Variants in FGF13 observed in about 807,000 individuals in gnomAD.
The protein encoded by FGF13 is fibroblast growth factor 13, also known as fibroblast growth factor homologous factor 2.
Under a neutral mutation model 19.5 loss-of-function variants are expected in FGF13, and 2 were observed. The ratio of observed to expected loss-of-function variants is 0.10; its 90% CI spans 0.04 to 0.32. The LOEUF is 0.32. Among genes scored for constraint, FGF13 ranks in the 10% least tolerant of loss-of-function variants. The pLI is 1.00. For synonymous variants in FGF13, 72 were observed against 76.9 expected, an observed-to-expected ratio of 0.94 and a Z score of 0.33; for missense variants, 113 against 192.7, an observed-to-expected ratio of 0.59 and a Z score of 2.45.
At chrX:138,888,434 A>G (rs2091461563) in intron 1 of FGF13, among the ~76,000 whole-genome samples, 1 of 110,537 alleles carries the variant, frequency 9.0e-6, no homozygotes, top group Non-Finnish European at 1.9e-5. Flanking sequence ...CCAGCCACCT[A>G]TATCTATAGC....
intron 1 of FGF13, among the ~76,000 whole-genome samples, chrX:138,946,881 T>A (rs1427293166): frequency 8.9e-6 from 1 of 112,072 alleles, no homozygotes; most frequent in African/African-American, 3.2e-5. Context: ...TCTGTCAGTC[T>A]CCAACAACTT....
chrX:138,901,780 G>A (rs1470336660), intron 1 of FGF13, among the ~76,000 whole-genome samples: 1 of 111,737 alleles, frequency 8.9e-6, no homozygotes, highest in African/African-American at 3.3e-5. Context: ...AAAACTGAGA[G>A]AGTTCATTGC....
At chrX:138,690,913 TA>T (rs2089832425) in intron 3 of FGF13, among the ~76,000 whole-genome samples, 2 of 111,632 alleles carry the variant, frequency 1.8e-5, no homozygotes, top group South Asian at 7.6e-4. Flanking sequence ...TGAATCTCCT[TA>T]TGTATACTAT....
chrX:138,644,806 G>A (rs553520547), intron 3 of FGF13, among the ~76,000 whole-genome samples: 2 of 112,069 alleles, frequency 1.8e-5, no homozygotes, highest in South Asian at 7.4e-4. Context: ...AAAAGCTGGT[G>A]TCACAGGGCA....
At chrX:138,842,601 T>C (rs182453629) in intron 3 of FGF13, among the ~76,000 whole-genome samples, 12 of 110,850 alleles carry the variant, frequency 1.1e-4, no homozygotes, top group African/African-American at 3.9e-4. Flanking sequence ...AGAATATATG[T>C]GTTTTGTTTG....
intron 1 of FGF13, among the ~76,000 whole-genome samples, chrX:139,052,561 G>A (rs919363674): frequency 2.7e-5 from 3 of 112,065 alleles, no homozygotes; most frequent in African/African-American, 9.7e-5. Context: ...TGAGATGAAT[G>A]AGTGGGAGTA....
chrX:138,867,780 T>TC (rs2091335343), intron 1 of FGF13, among the ~76,000 whole-genome samples: 2 of 95,352 alleles, frequency 2.1e-5, no homozygotes, highest in Non-Finnish European at 4.2e-5. Flanking sequence ...TCACTGTCTC[T>TC]AAATCTATCT....
At chrX:138,928,135 CA>C (rs1270237740) in intron 1 of FGF13, among the ~76,000 whole-genome samples, 1 of 110,697 alleles carries the variant, frequency 9.0e-6, no homozygotes, top group African/African-American at 3.3e-5. Context: ...AACATACATG[CA>C]TAAAACATTG....
At chrX:139,114,902 G>C (rs919634381) in intron 1 of FGF13, among the ~76,000 whole-genome samples, 14 of 111,897 alleles carry the variant, frequency 1.3e-4, no homozygotes, top group Non-Finnish European at 2.4e-4. Context: ...CTGGAAGAAA[G>C]AAGAAACTAT....
At chrX:138,650,440 C>T (rs1275364660) in intron 3 of FGF13, among the ~76,000 whole-genome samples, 1 of 111,470 alleles carries the variant, frequency 9.0e-6, no homozygotes, top group Non-Finnish European at 1.9e-5. Flanking sequence ...TCAGAATGAC[C>T]CAAGTTGCCA....
chrX:138,709,475 C>CA (rs2090022065), intron 1 of FGF13, among the ~76,000 whole-genome samples: 1 of 110,924 alleles, frequency 9.0e-6, no homozygotes, highest in Admixed American at 9.6e-5. Flanking sequence ...CCTTTTATAC[C>CA]AAAAAAGGGA....
At chrX:138,786,211 A>C (rs1277132517) in intron 3 of FGF13, among the ~76,000 whole-genome samples, 2 of 112,055 alleles carry the variant, frequency 1.8e-5, no homozygotes, top group African/African-American at 6.5e-5. Context: ...AAGATCTTCT[A>C]GGAACTACCC....
intron 3 of FGF13, among the ~76,000 whole-genome samples, chrX:138,847,315 G>C (rs756000860): frequency 8.9e-6 from 1 of 111,963 alleles, no homozygotes; most frequent in East Asian, 2.9e-4. Context: ...ATGCTTCTAA[G>C]GGGCTATGCA....
At chrX:139,135,506 G>C (rs1368450963) in intron 1 of FGF13, among the ~76,000 whole-genome samples, 2 of 112,089 alleles carry the variant, frequency 1.8e-5, no homozygotes, top group Non-Finnish European at 3.8e-5. Context: ...TAATATCTAT[G>C]GTAATTCTTT....
chrX:138,856,853 T>C (rs1223147646), downstream of FGF13, among the ~76,000 whole-genome samples: 1 of 111,949 alleles, frequency 8.9e-6, no homozygotes, highest in African/African-American at 3.2e-5. Context: ...TTTGAAGATA[T>C]ATTTGTGATA....
intron 1 of FGF13, among the ~76,000 whole-genome samples, chrX:138,738,838 TTC>T (rs1395001501): frequency 8.9e-6 from 1 of 112,200 alleles, no homozygotes; most frequent in East Asian, 2.8e-4. Flanking sequence ...TAATTACTTA[TTC>T]TCTTTTTTCT....
In FGF13 at chrX:138,628,958, G is replaced by A; in HGVS notation, c.*3892C>T. On this transcript the variant is annotated 3_prime_UTR_variant, in exon 5 of 5. Coordinates refer to ENST00000315930, the MANE Select transcript of FGF13 (RefSeq NM_004114.5). ...AAAAGTTGCAAAAAGCCTGAAGAAA[G>A]TGTTGTTTTCTTTTCCATATTCATT... 1 of 112,143 alleles carries A rather than the reference G, an allele frequency of 8.9e-6. No individual in the cohort carries two copies. Among genetic ancestry groups the A allele is most frequent in the Non-Finnish European group, 1.9e-5 (1 of 53,267 alleles). The allele number at this position is 112,143 out of a possible 1,213,427, so 9.2% of individuals were successfully genotyped here. A position where few individuals can be genotyped will look rare whatever the true frequency, so the allele number is the denominator to read the frequency against.
At chrX:139,025,816 C>G (rs2092198534) in intron 1 of FGF13, among the ~76,000 whole-genome samples, 1 of 110,596 alleles carries the variant, frequency 9.0e-6, no homozygotes, top group African/African-American at 3.3e-5. Context: ...GTTTGTTGCC[C>G]TTTCAATTTC....
At chrX:138,694,961 T>C (rs764633606) in intron 3 of FGF13, among the ~76,000 whole-genome samples, 18 of 104,921 alleles carry the variant, frequency 1.7e-4, no homozygotes, top group Non-Finnish European at 3.3e-4. Flanking sequence ...TCAAAGTGTC[T>C]CCCAGTGGAT....
Sources: gnomAD v4.1 joint callset for allele counts (sites outside exome capture counted in the v4.1 genomes callset) on GRCh38, gnomAD v4.1.1 for gene constraint, MANE v1.5 for transcripts, NCBI Gene and HGNC (gene_info 2026-07-23, HGNC 2026-07-21) for gene names.